ZBTB7C: variants seen among roughly 807,000 people sequenced by gnomAD.
ZBTB7C encodes zinc finger and BTB domain-containing protein 7C.
In ZBTB7C, 8 loss-of-function variants were observed where a neutral mutation model predicts 25.7. The ratio of observed to expected loss-of-function variants is 0.31; its 90% CI spans 0.18 to 0.56. ZBTB7C has a LOEUF of 0.56. Among genes scored for constraint, ZBTB7C ranks in the 20% least tolerant of loss-of-function variants. The probability of loss-of-function intolerance (pLI) is 0.91; values close to 1 mark genes in which losing one functional copy is unlikely to be tolerated. For synonymous variants in ZBTB7C, 394 were observed against 369.0 expected (o/e 1.07, Z -0.78); for missense variants, 824 against 855.2 (o/e 0.96, Z 0.46).
At chr18:48,259,563 C>T (rs967258148) in intron 2 of ZBTB7C, among the ~76,000 whole-genome samples, 2 of 152,132 alleles carry the variant, frequency 1.3e-5, no homozygotes, top group African/African-American at 4.8e-5. Flanking sequence ...AAATTTAGAA[C>T]TTTGGTCCTT....
intron 2 of ZBTB7C, among the ~76,000 whole-genome samples, chr18:48,209,985 T>G (rs139256334): frequency 6.6e-6 from 1 of 152,056 alleles, no homozygotes; most frequent in Non-Finnish European, 1.5e-5. Context: ...AAAAAGATAA[T>G]CCAATATTTA....
At chr18:48,381,283 G>A (rs1187457964) in intron 1 of ZBTB7C, among the ~76,000 whole-genome samples, 1 of 152,098 alleles carries the variant, frequency 6.6e-6, no homozygotes, top group African/African-American at 2.4e-5. Flanking sequence ...GGTAAAAGGT[G>A]GCCCCAAGAT....
chr18:48,184,130 A>G (rs2041996621), intron 3 of ZBTB7C, among the ~76,000 whole-genome samples: 1 of 152,146 alleles, frequency 6.6e-6, no homozygotes, highest in Non-Finnish European at 1.5e-5. Flanking sequence ...TGAAGGCAGC[A>G]CCATAACCAC....
At chr18:48,256,787 A>T (rs1295915009) in intron 2 of ZBTB7C, among the ~76,000 whole-genome samples, 1 of 152,060 alleles carries the variant, frequency 6.6e-6, no homozygotes. Context: ...ATATCATTTG[A>T]AAGTAGACTT....
chr18:48,035,457 A>C (rs1197482202), intron 4 of ZBTB7C, among the ~76,000 whole-genome samples: 3 of 152,164 alleles, frequency 2.0e-5, no homozygotes, highest in Admixed American at 6.5e-5. Flanking sequence ...GCTCTCTAGG[A>C]GCTACTAACA....
intron 3 of ZBTB7C, chr18:48,083,726 TA>T (rs2038079445): frequency 5.9e-6 from 4 of 679,448 alleles, no homozygotes; most frequent in African/African-American, 2.0e-5. Context: ...TCAGTGCCCT[TA>T]AAAAAATGAA....
chr18:48,268,051 A>C (rs927247569), intron 2 of ZBTB7C, among the ~76,000 whole-genome samples: 1 of 152,216 alleles, frequency 6.6e-6, no homozygotes, highest in Non-Finnish European at 1.5e-5. Flanking sequence ...CATTCAAGAT[A>C]TATCAGCCGT....
At chr18:48,189,343 G>A (rs1266874729) in intron 2 of ZBTB7C, among the ~76,000 whole-genome samples, 1 of 152,090 alleles carries the variant, frequency 6.6e-6, no homozygotes, top group East Asian at 1.9e-4. Context: ...AATAGCATGG[G>A]TAATTTTTTT....
chr18:48,141,047 C>T (rs1462887292), intron 3 of ZBTB7C, among the ~76,000 whole-genome samples: 31 of 152,272 alleles, frequency 2.0e-4, no homozygotes, highest in Middle Eastern at 3.4e-3. Flanking sequence ...AGGGCACTCA[C>T]ATGCACTTTA....
At chr18:48,033,576 A>G (rs910753435) in intron 4 of ZBTB7C, among the ~76,000 whole-genome samples, 8 of 152,228 alleles carry the variant, frequency 5.3e-5, no homozygotes, top group African/African-American at 1.9e-4. Context: ...GGCAAAGCTC[A>G]TGATAAGCCA....
At chr18:48,164,739 G>A (rs1246742462) in intron 3 of ZBTB7C, among the ~76,000 whole-genome samples, 1 of 152,130 alleles carries the variant, frequency 6.6e-6, no homozygotes, top group Non-Finnish European at 1.5e-5. Context: ...ATAACCTAGA[G>A]TGTGAATAAC....
intron 4 of ZBTB7C, among the ~76,000 whole-genome samples, chr18:48,035,602 G>C (rs1408179185): frequency 1.3e-5 from 2 of 152,278 alleles, no homozygotes; most frequent in African/African-American, 4.8e-5. Context: ...GATGGCTGCA[G>C]ATGGGGCAAA....
intron 3 of ZBTB7C, among the ~76,000 whole-genome samples, chr18:48,175,797 G>A (rs1454117869): frequency 1.3e-5 from 2 of 152,160 alleles, no homozygotes; most frequent in Admixed American, 6.5e-5. Context: ...AATATCATAG[G>A]TGAGAAATAC....
rs193233721 is a variant in ZBTB7C at position 48,043,636 on chromosome 18, A to G, written c.-16-2513T>C. ...GCTATAAAAGGGCAACAGGAGGGAT[A>G]CTTGTGATGGAAATGTTCTGCATAT... On this transcript the variant is annotated intron_variant, in intron 3 of 4. Coordinates refer to ENST00000590800, the MANE Select transcript of ZBTB7C (RefSeq NM_001318841.2). Among the ~76,000 whole-genome samples the G allele has an allele frequency of 1.9e-4, 29 of 152,226 alleles. No individual in the cohort carries two copies. The East Asian group carries it at 4.1e-3, about 21-fold the overall frequency.
At chr18:48,031,911 G>A (rs937103774) in intron 4 of ZBTB7C, among the ~76,000 whole-genome samples, 7 of 152,192 alleles carry the variant, frequency 4.6e-5, no homozygotes, top group African/African-American at 1.7e-4. Context: ...TACCCCTGGA[G>A]TGATGCAACT....
At chr18:48,097,562 A>C (rs2038684068) in intron 3 of ZBTB7C, among the ~76,000 whole-genome samples, 1 of 151,866 alleles carries the variant, frequency 6.6e-6, no homozygotes, top group South Asian at 2.1e-4. Flanking sequence ...ATGCCCAGCT[A>C]ATTTTTGTAT....
At chr18:48,293,302 T>C (rs1168357684) in intron 2 of ZBTB7C, among the ~76,000 whole-genome samples, 1 of 152,202 alleles carries the variant, frequency 6.6e-6, no homozygotes, top group Non-Finnish European at 1.5e-5. Context: ...AGTCTGTTCC[T>C]CTTTTTACAA....
At chr18:48,127,878 A>G (rs1443337923) in intron 3 of ZBTB7C, among the ~76,000 whole-genome samples, 4 of 152,288 alleles carry the variant, frequency 2.6e-5, no homozygotes, top group Admixed American at 2.6e-4. Flanking sequence ...TGGCGGGAGA[A>G]GGGAGGGAGA....
At chr18:48,178,294 GCTCAGGGAGGGCAT>G (rs140699884) in intron 3 of ZBTB7C, among the ~76,000 whole-genome samples, 12,108 of 152,124 alleles carry the variant, frequency 0.08, 509 homozygotes, top group Middle Eastern at 0.12. Context: ...ACATTGCCAT[GCTCAGGGAGGGCAT>G]CTCAGGGAGG....
Sources: allele counts gnomAD v4.1 joint callset (sites outside exome capture counted in the v4.1 genomes callset), GRCh38; gene constraint gnomAD v4.1.1; transcripts MANE v1.5; gene names NCBI Gene and HGNC (gene_info 2026-07-23, HGNC 2026-07-21).